The following SHANK2 variants were observed in gnomAD, a reference collection of about 807,000 sequenced individuals.
The protein encoded by SHANK2 is SH3 and multiple ankyrin repeat domains 2, also known as SH3 and multiple ankyrin repeat domains protein 2.
Under a neutral mutation model 133.7 loss-of-function variants are expected in SHANK2, and 43 were observed. That is an observed-to-expected ratio of 0.32 (90% CI 0.25 to 0.41). The LOEUF is 0.41. Ranked by LOEUF, SHANK2 falls within the 10% of genes least tolerant of loss-of-function variation. The pLI, the probability that SHANK2 is intolerant of heterozygous loss-of-function variation, is 1.00. For synonymous variants in SHANK2, 1,017 were observed against 952.8 expected, an observed-to-expected ratio of 1.07 and a Z score of -1.24; for missense variants, 1,994 against 2,235.8, an observed-to-expected ratio of 0.89 and a Z score of 2.18.
intron 17 of SHANK2, among the ~76,000 whole-genome samples, chr11:70,575,579 C>G (rs563470329): frequency 6.6e-6 from 1 of 151,712 alleles, no homozygotes; most frequent in East Asian, 1.9e-4. Flanking sequence ...CACAGAGTCC[C>G]CTGGGGTGGG....
At chr11:71,163,093 A>AAAAAACATATATATAT in intron 2 of SHANK2, among the ~76,000 whole-genome samples, 2 of 84,676 alleles carry the variant, frequency 2.4e-5, no homozygotes, top group African/African-American at 4.6e-5. Flanking sequence ...AAAAAAAAAA[A>AAAAAACATATATATAT]ATACATATAT....
intron 3 of SHANK2, among the ~76,000 whole-genome samples, chr11:71,143,139 G>A (rs1194999783): frequency 6.6e-6 from 1 of 152,206 alleles, no homozygotes; most frequent in East Asian, 1.9e-4. Context: ...GGAGGTTGTG[G>A]TAGAAGAATC....
At chr11:71,182,238 G>A (rs1380340834) in intron 2 of SHANK2, among the ~76,000 whole-genome samples, 10 of 152,070 alleles carry the variant, frequency 6.6e-5, no homozygotes, top group Non-Finnish European at 1.5e-4. Context: ...GATTGTTTTC[G>A]GGGCTCCTGA....
At chr11:70,821,882 TG>T (rs1344981917) in intron 11 of SHANK2, among the ~76,000 whole-genome samples, 14 of 152,158 alleles carry the variant, frequency 9.2e-5, no homozygotes, top group African/African-American at 3.4e-4. Context: ...AAGCAGGGGC[TG>T]GGCACCCCTT....
intron 17 of SHANK2, among the ~76,000 whole-genome samples, chr11:70,592,088 T>C (rs1280440489): frequency 4.6e-5 from 7 of 151,884 alleles, no homozygotes; most frequent in Non-Finnish European, 1.0e-4. Flanking sequence ...AGCAGAGGTG[T>C]GGAGACTACA....
intron 17 of SHANK2, among the ~76,000 whole-genome samples, chr11:70,635,797 G>A (rs368879090): frequency 4.0e-4 from 60 of 151,642 alleles, no homozygotes; most frequent in African/African-American, 8.9e-4. Context: ...AGCAAATGGC[G>A]GCTGTGATCT....
chr11:70,619,085 G>A (rs995138153), intron 17 of SHANK2, among the ~76,000 whole-genome samples: 5 of 152,198 alleles, frequency 3.3e-5, no homozygotes, highest in Non-Finnish European at 7.3e-5. Context: ...CTGCCCAGGG[G>A]AGGCGGACCC....
At chr11:70,819,131 A>C (rs1436083000) in intron 12 of SHANK2, among the ~76,000 whole-genome samples, 3 of 152,280 alleles carry the variant, frequency 2.0e-5, no homozygotes, top group Admixed American at 2.0e-4. Context: ...CAGGGGCCTC[A>C]GCACTGAATG....
At chr11:70,544,388 T>C (rs1219436525) in intron 17 of SHANK2, among the ~76,000 whole-genome samples, 2 of 152,224 alleles carry the variant, frequency 1.3e-5, no homozygotes, top group East Asian at 1.9e-4. Context: ...CTGTTAGCAA[T>C]TGTCATTGTT....
chr11:70,492,141 A>G (rs2058895130), intron 22 of SHANK2, among the ~76,000 whole-genome samples, 194 bp downstream of exon 22: 1 of 152,170 alleles, frequency 6.6e-6, no homozygotes, highest in South Asian at 2.1e-4. Flanking sequence ...GCTTGGATGC[A>G]GCCTGCTCTG....
At chr11:70,765,289 T>C (rs1200978415) in intron 14 of SHANK2, among the ~76,000 whole-genome samples, 1 of 152,206 alleles carries the variant, frequency 6.6e-6, no homozygotes, top group Non-Finnish European at 1.5e-5. Flanking sequence ...CATGATTGGG[T>C]CAGGGATGGG....
At chr11:70,843,615 C>T (rs368857376) in intron 11 of SHANK2, among the ~76,000 whole-genome samples, 4 of 151,776 alleles carry the variant, frequency 2.6e-5, no homozygotes, top group Non-Finnish European at 5.9e-5. Context: ...AAGGAGAAGG[C>T]GGCACCTACA....
chr11:70,718,695 A>G (rs1555028141), intron 14 of SHANK2, among the ~76,000 whole-genome samples: 1 of 85,032 alleles, frequency 1.2e-5, no homozygotes, highest in African/African-American at 8.5e-5. Flanking sequence ...GATAGAGCTC[A>G]TTCTCTTTTT....
chr11:70,840,197 A>G (rs781969864), intron 11 of SHANK2, among the ~76,000 whole-genome samples: 16 of 152,176 alleles, frequency 1.1e-4, no homozygotes, highest in Non-Finnish European at 2.2e-4. Context: ...TCGCCACCTC[A>G]ATGTCAAAGC....
intron 22 of SHANK2, 151 bp downstream of exon 22, chr11:70,492,184 C>T (rs782508333): frequency 1.3e-4 from 146 of 1,151,818 alleles, no homozygotes; most frequent in Admixed American, 3.4e-4. Context: ...AGACCCGGCT[C>T]TTTGTCCTGT....
At chr11:70,906,186 C>T (rs1471422250) in intron 10 of SHANK2, among the ~76,000 whole-genome samples, 59 of 152,332 alleles carry the variant, frequency 3.9e-4, no homozygotes, top group Non-Finnish European at 2.9e-5. Context: ...CCAGGCCAGC[C>T]CCAGGCTCCG....
intron 17 of SHANK2, among the ~76,000 whole-genome samples, chr11:70,640,411 G>A (rs1375534968): frequency 2.6e-5 from 4 of 152,224 alleles, no homozygotes; most frequent in Non-Finnish European, 5.9e-5. Context: ...AAGAGGCTGG[G>A]AAGGATCCTC....
At chr11:70,492,985 G>A (rs570229831) in intron 21 of SHANK2, among the ~76,000 whole-genome samples, 4 of 151,458 alleles carry the variant, frequency 2.6e-5, no homozygotes, top group African/African-American at 7.3e-5. Flanking sequence ...TAGTAGAGAC[G>A]GAGTTTCACC....
chr11:70,526,993 C>T (rs1591538031), intron 17 of SHANK2, among the ~76,000 whole-genome samples: 2 of 152,276 alleles, frequency 1.3e-5, no homozygotes, highest in African/African-American at 2.4e-5. Context: ...TGGCTGCTGA[C>T]CAGACGCTCC....
Sources: allele counts gnomAD v4.1 joint callset (sites outside exome capture counted in the v4.1 genomes callset), GRCh38; gene constraint gnomAD v4.1.1; transcripts MANE v1.5; gene names NCBI Gene and HGNC (gene_info 2026-07-23, HGNC 2026-07-21).